Variants in LYST observed in about 807,000 individuals in gnomAD.
The protein encoded by LYST is lysosomal trafficking regulator.
In LYST, 192 loss-of-function variants were observed where a neutral mutation model predicts 413.6. The observed-to-expected ratio is 0.46, with a 90% CI of 0.41 to 0.52. LYST has a LOEUF of 0.52. Ranked by LOEUF, LYST falls within the 20% of genes least tolerant of loss-of-function variation. LYST has a pLI of 0.00. For missense variants in LYST, 3,815 were observed against 4,499.9 expected (o/e 0.85, Z 4.35); for synonymous variants, 1,525 against 1,567.3 (o/e 0.97, Z 0.64).
At position 235,709,207 on chromosome 1, in the gene LYST, G is replaced by A; in HGVS notation, c.10027C>T (p.Gln3343Ter). 2 of 1,614,184 alleles carry A rather than the reference G, an allele frequency of 1.2e-6. No homozygotes were observed. Among genetic ancestry groups the A allele is most frequent in the Non-Finnish European group, 1.7e-6 (2 of 1,180,022 alleles). The change falls in exon 44 of 53, where the codon CAG becomes TAG. Residue 3343 changes from glutamine to a stop codon, truncating the protein, a stop_gained. Coordinates refer to ENST00000389793, the MANE Select transcript of LYST (RefSeq NM_000081.4). LOFTEE classifies it high-confidence loss of function. ...DPRLFILIHR[Q>*]ALESDYVSQN... ...GACACGTAGTCAGACTCTAGAGCCTGCCGATGGATGAGGATAAAAAGACGA... is the reference window on the plus strand; with the variant it reads ...GACACGTAGTCAGACTCTAGAGCCTACCGATGGATGAGGATAAAAAGACGA...
intron 47 of LYST, among the ~76,000 whole-genome samples, chr1:235,692,314 T>A (rs760786459): frequency 6.6e-6 from 1 of 150,614 alleles, no homozygotes; most frequent in African/African-American, 2.4e-5. Context: ...GCCTGGGCGA[T>A]GGAGCGAGAC....
In LYST at chr1:235,762,702, C is replaced by T. The variant is rs187695446; in HGVS notation, c.6253+18G>A. ...AACTAAAATGAGAAGGTCATACTTC[C>T]ATTATTGCTATTTTTACCTTCATAT... is the stretch of plus-strand genomic sequence containing the variant. On this transcript the variant is annotated intron_variant, in intron 22 of 52. Transcript: ENST00000389793. The T allele has an allele frequency of 1.5e-4, 243 of 1,610,248 alleles. 1 individual carries two copies. The African/African-American group carries it at 3.1e-3, about 20-fold the overall frequency.
At chr1:235,712,619 T>G (rs1161219827) in intron 42 of LYST, 1 of 984,886 alleles carries the variant, frequency 1.0e-6, no homozygotes, top group Admixed American at 6.2e-5. Flanking sequence ...TTTTTCCCCA[T>G]CAGGAAGCAT....
rs565863969 is a variant in LYST at position 235,827,851 on chromosome 1, T to C, written c.192+2375A>G. ...AAGAGAAAGTATTCTATTTACCATATATACAAAGAAAATACCGTATTTGGA... is the reference window on the plus strand; with the variant it reads ...AAGAGAAAGTATTCTATTTACCATACATACAAAGAAAATACCGTATTTGGA... On this transcript the variant is annotated intron_variant, in intron 3 of 52. Transcript: ENST00000389793. The C allele has an allele frequency of 8.6e-5, 68 of 791,390 alleles. 1 individual carries two copies. In the South Asian group the frequency reaches 2.1e-3, roughly 24 times the overall value. The allele number at this position is 791,390 out of a possible 1,614,324, so 49.0% of individuals were successfully genotyped here.
intron 29 of LYST, among the ~76,000 whole-genome samples, chr1:235,745,882 T>G (rs1665871589): frequency 6.6e-6 from 1 of 152,040 alleles, no homozygotes; most frequent in African/African-American, 2.4e-5. Context: ...GCTGAGTGGC[T>G]GGGGGTGAGA....
In LYST at chr1:235,809,911, T is replaced by G; in HGVS notation, c.907A>C (p.Ser303Arg). 1 of 1,614,000 alleles carries G rather than the reference T, an allele frequency of 6.2e-7. No individual in the cohort carries two copies. The highest frequency in any genetic ancestry group is 8.5e-7 in the Non-Finnish European group (1 of 1,179,990). The change falls in exon 5 of 53, where the codon AGC becomes CGC. Residue 303 changes from serine to arginine, a missense_variant. Ser to Arg is a moderately radical substitution (Grantham distance 110). This residue lies in a region of LYST where 1,648 missense variants were observed against 1,810.3 expected (regional missense o/e 0.91). Coordinates refer to ENST00000389793, the MANE Select transcript of LYST (RefSeq NM_000081.4). The surrounding 1 kb of genome is among the most constrained non-coding windows in gnomAD (Gnocchi z 4.0). ...LAGFGDCCSLSDNLESRVVSA... is the reference protein window; with the variant it reads ...LAGFGDCCSLRDNLESRVVSA... ...ACTACTCGACTCTCCAAGTTGTCGC[T>G]CAGACTGCAGCAGTCCCCAAAGCCT...
intron 3 of LYST, among the ~76,000 whole-genome samples, chr1:235,819,133 G>T (rs547733261): frequency 6.6e-6 from 1 of 152,308 alleles, no homozygotes; most frequent in African/African-American, 2.4e-5. Context: ...TTGTAGTCCT[G>T]AAGAGGGCAT....
chr1:235,777,024 C>A (rs760439692), intron 17 of LYST, 39 bp downstream of exon 17: 6 of 1,584,114 alleles, frequency 3.8e-6, no homozygotes, highest in South Asian at 3.3e-5. Context: ...ATAAGTAAGT[C>A]ATTTCTCTTT....
chr1:235,828,845 T>C (rs1675622122), intron 3 of LYST: 1 of 743,180 alleles, frequency 1.3e-6, no homozygotes, highest in African/African-American at 1.9e-5. Flanking sequence ...AGAAAAGTCA[T>C]ACAAATATAT....
chr1:235,698,747 C>T (rs932019461), intron 45 of LYST, among the ~76,000 whole-genome samples: 2 of 152,014 alleles, frequency 1.3e-5, no homozygotes, highest in African/African-American at 2.4e-5. Flanking sequence ...GTGGCGGGTG[C>T]CTGCAGTCCC....
chr1:235,770,918 A>C (rs1558218800), intron 19 of LYST, among the ~76,000 whole-genome samples: 2 of 152,158 alleles, frequency 1.3e-5, no homozygotes, highest in South Asian at 4.1e-4. Context: ...ATACTAGAGA[A>C]AAAAAGAGAT....
intron 34 of LYST, among the ~76,000 whole-genome samples, chr1:235,731,597 C>T (rs966043374): frequency 2.9e-5 from 4 of 135,908 alleles, no homozygotes; most frequent in Admixed American, 8.3e-5. Context: ...CTGGCTGTGT[C>T]GCCCAGGCTG....
At chr1:235,881,191 G>A (rs1443131974) in intron 1 of LYST, among the ~76,000 whole-genome samples, 1 of 152,164 alleles carries the variant, frequency 6.6e-6, no homozygotes, top group Non-Finnish European at 1.5e-5. Context: ...CTCCTTAGAA[G>A]TATTTTGCCA....
intron 31 of LYST, 66 bp downstream of exon 31, chr1:235,741,356 T>C (rs969264395): frequency 7.7e-7 from 1 of 1,297,936 alleles, no homozygotes; most frequent in African/African-American, 1.5e-5. Context: ...ATTTCAGTTC[T>C]TGTTTTATTC....
intron 47 of LYST, among the ~76,000 whole-genome samples, chr1:235,688,457 G>T (rs1489616180): frequency 6.6e-6 from 1 of 152,154 alleles, no homozygotes; most frequent in Non-Finnish European, 1.5e-5. Context: ...CATCTTTCAG[G>T]AAAGTATAAA....
At chr1:235,819,638 T>A (rs1558298130) in intron 3 of LYST, among the ~76,000 whole-genome samples, 1 of 152,156 alleles carries the variant, frequency 6.6e-6, no homozygotes. Flanking sequence ...ACCACTCTTA[T>A]TTAATACTTT....
chr1:235,697,554 T>C (rs1661205860), intron 45 of LYST, among the ~76,000 whole-genome samples: 1 of 152,238 alleles, frequency 6.6e-6, no homozygotes, highest in Non-Finnish European at 1.5e-5. Flanking sequence ...AAAAATTTAG[T>C]ACATTTCTTA....
chr1:235,708,676 A>G (rs538491963), intron 44 of LYST, among the ~76,000 whole-genome samples: 117 of 152,254 alleles, frequency 7.7e-4, no homozygotes, highest in African/African-American at 2.8e-3. Context: ...AACATTTCAC[A>G]TGTGTCATTA....
At chr1:235,667,313 C>G (rs934779387) in intron 50 of LYST, among the ~76,000 whole-genome samples, 78 of 152,188 alleles carry the variant, frequency 5.1e-4, no homozygotes, top group African/African-American at 1.8e-3. Flanking sequence ...GGATGTCTCA[C>G]CTTAGTTCAA....
Sources: gnomAD v4.1 joint callset for allele counts (sites outside exome capture counted in the v4.1 genomes callset) on GRCh38, gnomAD v4.1.1 for gene constraint, gnomAD v4.1.1 regional missense constraint, Gnocchi (gnomAD v3.1) non-coding constraint, MANE v1.5 for transcripts, NCBI Gene and HGNC (gene_info 2026-07-23, HGNC 2026-07-21) for gene names.